Variants in CFAP70 observed in about 807,000 individuals in gnomAD.
CFAP70 encodes cilia and flagella associated protein 70.
In CFAP70, 81 loss-of-function variants were observed where a neutral mutation model predicts 137.6. That is an observed-to-expected ratio of 0.59 (90% CI 0.49 to 0.71). The LOEUF (loss-of-function observed/expected upper bound fraction) is 0.71, where lower values mean the gene tolerates loss of function less well. CFAP70 is among the 30% of genes least tolerant of loss of function. The probability of loss-of-function intolerance (pLI) is 0.00; values close to 1 mark genes in which losing one functional copy is unlikely to be tolerated. For missense variants in CFAP70, 976 were observed against 1,226.7 expected (o/e 0.80, Z 3.05); for synonymous variants, 382 against 423.6 (o/e 0.90, Z 1.20).
At chr10:73,284,192 C>T (rs1476341087) in intron 19 of CFAP70, among the ~76,000 whole-genome samples, 3 of 152,168 alleles carry the variant, frequency 2.0e-5, no homozygotes, top group Non-Finnish European at 2.9e-5. Flanking sequence ...TACCTATATA[C>T]CTTGGTTTGT....
intron 6 of CFAP70, among the ~76,000 whole-genome samples, chr10:73,338,408 C>G (rs907644306): frequency 6.9e-6 from 1 of 144,916 alleles, no homozygotes; most frequent in African/African-American, 2.6e-5. Context: ...TTACAGCCAC[C>G]GTACCTGGCT....
At chr10:73,348,040 T>C in intron 4 of CFAP70, 116 bp downstream of exon 5, 1 of 853,772 alleles carries the variant, frequency 1.2e-6, no homozygotes, top group Admixed American at 2.2e-5. Context: ...ACACTAAGTG[T>C]GCTGTGAAAA....
chr10:73,355,733 ACAC>A (rs2054626034), intron 1 of CFAP70, among the ~76,000 whole-genome samples: 1 of 152,196 alleles, frequency 6.6e-6, no homozygotes, highest in Non-Finnish European at 1.5e-5. Flanking sequence ...AGCTGAGATC[ACAC>A]CACTGAACTC....
intron 24 of CFAP70, among the ~76,000 whole-genome samples, chr10:73,270,681 G>A (rs1169364758): frequency 1.3e-5 from 2 of 150,406 alleles, no homozygotes; most frequent in Non-Finnish European, 3.0e-5. Context: ...AATTACAGGT[G>A]CCCACCACCA....
intron 8 of CFAP70, among the ~76,000 whole-genome samples, chr10:73,326,822 C>A (rs1376610350): frequency 9.2e-5 from 14 of 152,046 alleles, no homozygotes; most frequent in African/African-American, 3.1e-4. Flanking sequence ...CAATAACAGG[C>A]TCTGAAATTG....
At chr10:73,336,761 A>AT (rs1422933980) in intron 6 of CFAP70, among the ~76,000 whole-genome samples, 1 of 150,310 alleles carries the variant, frequency 6.7e-6, no homozygotes, top group African/African-American at 2.4e-5. Context: ...AATTTTTTGT[A>AT]TTTTTTTTAG....
chr10:73,257,975 C>T (rs2044696278), intron 25 of CFAP70, among the ~76,000 whole-genome samples: 1 of 150,982 alleles, frequency 6.6e-6, no homozygotes, highest in Non-Finnish European at 1.5e-5. Context: ...GCACTGCAAC[C>T]TCCACCCCCT....
rs545755413 is a variant in CFAP70, at chr10:73,263,336, G to T, written c.3027+6278C>A. On this transcript the variant is annotated intron_variant, in intron 25 of 26. Transcript: ENST00000310715. Reference sequence around the variant, plus strand: ...GTTCTTAAATTCCAGGGCTCAATTGGCCTCCCAAAGTGCCGGGATTACAGG... The same window carrying T: ...GTTCTTAAATTCCAGGGCTCAATTGTCCTCCCAAAGTGCCGGGATTACAGG... Among the ~76,000 whole-genome samples the T allele has an allele frequency of 3.0e-4, 46 of 152,116 alleles. No individual in the cohort carries two copies. In the South Asian group the frequency reaches 5.6e-3, roughly 19 times the overall value.
At chr10:73,285,583 C>T (rs1377021868) in intron 19 of CFAP70, among the ~76,000 whole-genome samples, 1 of 151,220 alleles carries the variant, frequency 6.6e-6, no homozygotes, top group Non-Finnish European at 1.5e-5. Context: ...AAGCTCACAT[C>T]TAGGAAATGC....
intron 8 of CFAP70, among the ~76,000 whole-genome samples, chr10:73,330,248 G>C (rs900129831): frequency 3.3e-5 from 5 of 151,800 alleles, no homozygotes; most frequent in African/African-American, 1.2e-4. Flanking sequence ...TCAGGAGTTC[G>C]AGACCAGCCT....
At chr10:73,330,662 T>C (rs1223732279) in intron 8 of CFAP70, among the ~76,000 whole-genome samples, 1 of 152,010 alleles carries the variant, frequency 6.6e-6, no homozygotes, top group Admixed American at 6.6e-5. Flanking sequence ...CTAGGTACCA[T>C]GGAGGATGCA....
rs2131743149 is a variant in CFAP70 at position 73,275,708 on chromosome 10, A to C, written c.2521-110T>G. 4.1e-6 allele frequency: 4 copies of C among 983,292 alleles called. No individual in the cohort carries two copies. Among genetic ancestry groups the C allele is most frequent in the Non-Finnish European group, 4.2e-6 (3 of 708,324 alleles). 60.9% of individuals were successfully genotyped at this position (983,292 alleles called of 1,614,324 possible). ...ATAATACGAAATGTATTACAGAATG[A>C]AATAATTATCCTCAACTTCAAAAGG... On this transcript the variant is annotated intron_variant, in intron 21 of 26. Coordinates refer to ENST00000310715, the Ensembl canonical transcript of CFAP70. This position sits in a 1 kb window ranked among gnomAD's most constrained non-coding sequence, Gnocchi z 4.0.
chr10:73,320,627 C>T (rs1021561682), intron 9 of CFAP70, among the ~76,000 whole-genome samples: 1 of 152,032 alleles, frequency 6.6e-6, no homozygotes. Flanking sequence ...CCATGCCCAG[C>T]CTTCTTTCCC....
chr10:73,355,542 G>A (rs541974214), intron 1 of CFAP70, among the ~76,000 whole-genome samples: 1 of 152,278 alleles, frequency 6.6e-6, no homozygotes, highest in African/African-American at 2.4e-5. Flanking sequence ...ACTTTGGAAG[G>A]CGAGGCGGGC....
intron 16 of CFAP70, 38 bp from the exon 18 acceptor site, chr10:73,292,052 G>A (rs780776980): frequency 6.2e-7 from 1 of 1,609,046 alleles, no homozygotes; most frequent in Non-Finnish European, 8.5e-7. Context: ...GTGATACTAT[G>A]TCCTATTTTT....
At chr10:73,273,750 T>G (rs754558420) in intron 23 of CFAP70, among the ~76,000 whole-genome samples, 1 of 152,238 alleles carries the variant, frequency 6.6e-6, no homozygotes, top group Non-Finnish European at 1.5e-5. Context: ...TTCTTGTTGC[T>G]GTTGCTGTTT....
chr10:73,352,884 C>T (rs2054385238), intron 3 of CFAP70, among the ~76,000 whole-genome samples: 1 of 152,042 alleles, frequency 6.6e-6, no homozygotes, highest in Non-Finnish European at 1.5e-5. Context: ...TTTTATTTGT[C>T]CCATGAATGA....
intron 25 of CFAP70, among the ~76,000 whole-genome samples, chr10:73,268,942 C>T (rs142193070): frequency 1.1e-4 from 16 of 152,244 alleles, no homozygotes; most frequent in African/African-American, 3.9e-4. Context: ...CTGCCTCAGC[C>T]TCCCAAATTG....
intron 12 of CFAP70, among the ~76,000 whole-genome samples, chr10:73,309,781 C>T (rs1397154400): frequency 4.0e-5 from 6 of 151,838 alleles, no homozygotes; most frequent in Non-Finnish European, 7.4e-5. Context: ...CTCAGCCTCC[C>T]GAGTAGCTGA....
Sources: gnomAD v4.1 joint callset for allele counts (sites outside exome capture counted in the v4.1 genomes callset) on GRCh38, gnomAD v4.1.1 for gene constraint, Gnocchi (gnomAD v3.1) non-coding constraint, MANE v1.5 for transcripts, NCBI Gene and HGNC (gene_info 2026-07-23, HGNC 2026-07-21) for gene names.